The following TRIOBP variants were observed in gnomAD, a reference collection of about 807,000 sequenced individuals.
TRIOBP encodes TRIO and F-actin binding protein.
A neutral mutation model predicts 238.8 loss-of-function variants in TRIOBP; 169 were observed. That is an observed-to-expected ratio of 0.71 (90% CI 0.62 to 0.80). The LOEUF (loss-of-function observed/expected upper bound fraction) is 0.80, where lower values mean the gene tolerates loss of function less well. Among genes scored for constraint, TRIOBP ranks in the 30% least tolerant of loss-of-function variants. TRIOBP has a pLI of 0.00. For synonymous variants in TRIOBP, 1,150 were observed against 1,274.4 expected (o/e 0.90, Z 2.08); for missense variants, 2,838 against 3,122.6 (o/e 0.91, Z 2.17).
chr22:37,760,342 A>G (rs1309732859), intron 17 of TRIOBP: 2 of 152,228 alleles, frequency 1.3e-5, no homozygotes, highest in African/African-American at 4.8e-5. Flanking sequence ...CTGATGTGTA[A>G]TGTTTACCAA....
chr22:37,751,360 C>T, intron 11 of TRIOBP: 2 of 338,832 alleles, frequency 5.9e-6, no homozygotes, highest in Non-Finnish European at 1.2e-5. Flanking sequence ...GCACTTGGTC[C>T]TCGTCAGAGG....
intron 16 of TRIOBP, 126 bp downstream of exon 16, chr22:37,758,264 A>G (rs971186437): frequency 2.4e-6 from 3 of 1,224,924 alleles, no homozygotes; most frequent in Non-Finnish European, 3.5e-6. Context: ...ATCTGCTGTG[A>G]GTGTGCACCC....
chr22:37,736,622 TTTTA>T (rs373401859), intron 9 of TRIOBP, among the ~76,000 whole-genome samples: 195 of 152,232 alleles, frequency 1.3e-3, no homozygotes, highest in African/African-American at 4.4e-3. Context: ...GTGCTTTTAT[TTTTA>T]TTTATTTATT....
intron 11 of TRIOBP, among the ~76,000 whole-genome samples, chr22:37,748,814 A>C (rs555666022): frequency 2.7e-3 from 405 of 152,254 alleles, no homozygotes; most frequent in Non-Finnish European, 4.8e-3. Context: ...AAGGGACCTC[A>C]GAGGTGGCCA....
intron 3 of TRIOBP, among the ~76,000 whole-genome samples, chr22:37,702,939 G>C (rs1922735578): frequency 6.6e-6 from 1 of 151,988 alleles, no homozygotes; most frequent in South Asian, 2.1e-4. Context: ...CACTGCACCT[G>C]GTCTCAAGAT....
chr22:37,758,280 T>TC (rs1926053193), intron 16 of TRIOBP, 142 bp downstream of exon 16: 1 of 1,098,208 alleles, frequency 9.1e-7, no homozygotes, highest in African/African-American at 1.6e-5. Flanking sequence ...CACCCCACAC[T>TC]CCTGCGAACT....
chr22:37,765,701 A>G lies in TRIOBP; in HGVS notation c.6356A>G (p.Glu2119Gly), dbSNP rs1926454668. ...TGTGAGCGCAGCCTGGCAGAGATGG[A>G]GTCCTCGCACCAGCAGGTGATGGAG... The part of the protein sequence containing the change: ...EACERSLAEM[E>G]SSHQQVMEEL... Residue 2119 changes from glutamate to glycine, a missense_variant, in exon 18 of 24, where the codon GAG becomes GGG. Glu to Gly is a moderately conservative substitution (Grantham distance 98, BLOSUM62 -2). Transcript: ENST00000644935. 6.4e-7 allele frequency: 1 copy of G among 1,553,824 alleles called. No individual in the cohort carries two copies. The highest frequency in any genetic ancestry group is 1.4e-5 in the African/African-American group (1 of 73,264).
intron 7 of TRIOBP, among the ~76,000 whole-genome samples, chr22:37,727,607 G>A (rs531572361): frequency 3.9e-5 from 6 of 152,268 alleles, no homozygotes; most frequent in Admixed American, 1.3e-4. Flanking sequence ...GGCGGAGCTT[G>A]CAGTGAGCCG....
At position 37,711,498 on chromosome 22, in the gene TRIOBP, G is replaced by C. The variant is rs188376700; in HGVS notation, c.254+932G>C. Among the ~76,000 whole-genome samples, 157 of 149,464 alleles carry C rather than the reference G, an allele frequency of 1.1e-3. 3 individuals are homozygous for C. The East Asian group carries it at 0.03, about 28-fold the overall frequency. On this transcript the variant is annotated intron_variant, in intron 4 of 23. Transcript: ENST00000644935. The stretch of plus-strand genomic sequence containing the variant: ...GGAGGCTGAGGCAGGAGAACCACTT[G>C]AACCCGGGAGGCAGAGGTTGCAGTG...
intron 11 of TRIOBP, among the ~76,000 whole-genome samples, chr22:37,748,438 A>T (rs1279060780): frequency 1.3e-5 from 2 of 152,100 alleles, no homozygotes; most frequent in Non-Finnish European, 2.9e-5. Flanking sequence ...TTGCTCCCGG[A>T]TCAGCCTTCC....
intron 2 of TRIOBP, 147 bp from the exon 3 acceptor site, chr22:37,701,159 G>T (rs1922625644): frequency 5.4e-6 from 3 of 555,184 alleles, no homozygotes; most frequent in East Asian, 3.2e-5. Context: ...TAAATGAACA[G>T]GAATGGATGG....
In TRIOBP at chr22:37,710,442, T is replaced by G; in HGVS notation, c.130T>G (p.Ser44Ala). The change falls in exon 4 of 24, where the codon TCA (serine) becomes GCA (alanine). Residue 44 changes from serine (S) to alanine (A), a missense_variant. Physicochemically the swap from Ser to Ala is moderately conservative, Grantham distance 99. Coordinates refer to ENST00000644935, the MANE Select transcript of TRIOBP (RefSeq NM_001039141.3). ...GARYQELRSP[S>A]GAEVPYCDLP... ...CCTGGCCCAGGAGCTCAGGAGCCCT[T>G]CAGGTGCTGAGGTGCCCTACTGCGA... 6.2e-7 allele frequency: 1 copy of G among 1,613,540 alleles called. No homozygotes were observed. Among genetic ancestry groups the G allele is most frequent in the African/African-American group, 1.3e-5 (1 of 75,024 alleles).
At chr22:37,754,550 C>T (rs948933063) in intron 12 of TRIOBP, among the ~76,000 whole-genome samples, 1 of 152,060 alleles carries the variant, frequency 6.6e-6, no homozygotes, top group African/African-American at 2.4e-5. Context: ...TGGAAAAAGA[C>T]GTAACGTCCT....
Position 37,723,672 on chromosome 22 carries a change from TC to T in TRIOBP, c.1120del (p.Gln374SerfsTer505). ...CCCAAACTTCTTTTCCTACTTGTACTCCCCAGCGGGAAAACCCCAGGACACC... is the reference window on the plus strand; with the variant it reads ...CCCAAACTTCTTTTCCTACTTGTACTCCCAGCGGGAAAACCCCAGGACACC... The part of the protein sequence containing the change: ...NPQTSFPTCT[P>X]QRENPRTPCV... On this transcript the variant is annotated frameshift_variant, in exon 7 of 24. Transcript: ENST00000644935. LOFTEE classifies it high-confidence loss of function. 1 of 1,613,826 alleles carries T rather than the reference TC, an allele frequency of 6.2e-7. No homozygotes were observed. The highest frequency in any genetic ancestry group is 8.5e-7 in the Non-Finnish European group (1 of 1,179,968).
rs372970338 is a variant in TRIOBP at position 37,733,359 on chromosome 22, C to G, written c.4009C>G (p.Gln1337Glu). Residue 1337 changes from glutamine (Q) to glutamate (E), a missense_variant, in exon 8 of 24, where the codon CAA becomes GAA. Gln to Glu is a conservative substitution (Grantham distance 29, BLOSUM62 2). Around this residue, in one of 5 missense-constraint regions of TRIOBP, gnomAD observed 2,096 missense variants for 2,137.4 expected, o/e 0.98. Coordinates refer to ENST00000644935, the MANE Select transcript of TRIOBP (RefSeq NM_001039141.3). Reference protein sequence around the residue: ...QDEGRSQQPSQGQSQLLRRQS... With the variant: ...QDEGRSQQPSEGQSQLLRRQS... ...CGAGGGACGGTCACAGCAGCCCAGCCAAGGCCAGAGCCAACTTCTCCGAAG... is the reference window on the plus strand; with the variant it reads ...CGAGGGACGGTCACAGCAGCCCAGCGAAGGCCAGAGCCAACTTCTCCGAAG... 9.0e-6 allele frequency: 14 copies of G among 1,551,432 alleles called. No homozygotes were observed. The highest frequency in any genetic ancestry group is 4.9e-5 in the East Asian group (2 of 41,024).
chr22:37,725,111 A>T lies in TRIOBP; in HGVS notation c.2555A>T (p.Asp852Val), dbSNP rs778331588. The stretch of plus-strand genomic sequence containing the variant: ...CTCAGACCCACTTGTACACAGCGGG[A>T]CCGCACACAGTCCTTTTCCTTTCAA... Reference protein sequence around the residue: ...DNLRPTCTQRDRTQSFSFQRD... With the variant: ...DNLRPTCTQRVRTQSFSFQRD... Residue 852 changes from aspartate (D) to valine (V), a missense_variant, in exon 7 of 24, where the codon GAC (aspartate) becomes GTC (valine). Coordinates refer to ENST00000644935, the MANE Select transcript of TRIOBP (RefSeq NM_001039141.3). 1.4e-4 allele frequency: 222 copies of T among 1,614,082 alleles called. No individual in the cohort carries two copies. Among genetic ancestry groups the T allele is most frequent in the Non-Finnish European group, 1.5e-4 (174 of 1,179,984 alleles).
In TRIOBP at chr22:37,772,598, C is replaced by G. The variant is rs1408440693; in HGVS notation, c.6937-3C>G. The G allele has an allele frequency of 1.2e-6, 2 of 1,614,080 alleles. No homozygotes were observed. Among genetic ancestry groups the G allele is most frequent in the Admixed American group, 1.7e-5 (1 of 60,026 alleles). On this transcript the variant is annotated splice_region_variant and splice_polypyrimidine_tract_variant and intron_variant, in intron 22 of 23. Coordinates refer to ENST00000644935, the MANE Select transcript of TRIOBP (RefSeq NM_001039141.3). Reference sequence around the variant, plus strand: ...GCCCTCATACCTGCCTCCTGCCCCCCAGGACAAGCGCTTCACCTCGGGAAA... The same window carrying G: ...GCCCTCATACCTGCCTCCTGCCCCCGAGGACAAGCGCTTCACCTCGGGAAA...
In TRIOBP at chr22:37,751,812, T is replaced by C; in HGVS notation, c.5363T>C (p.Leu1788Ser). ...LNFKKGWMSI[L>S]DEPGEPPSPS... ...TTCAAGAAGGGATGGATGTCGATCT[T>C]GGACGAGCCTGGAGAGGTAAGAGGA... The change falls in exon 12 of 24, where the codon TTG becomes TCG. Residue 1788 changes from leucine (L) to serine (S), a missense_variant. Leu to Ser is a moderately radical substitution (Grantham distance 145). Transcript: ENST00000644935. The C allele has an allele frequency of 6.2e-7, 1 of 1,613,878 alleles. No individual in the cohort carries two copies. Among genetic ancestry groups the C allele is most frequent in the East Asian group, 2.2e-5 (1 of 44,846 alleles).
chr22:37,715,043 C>G (rs1459563523), intron 5 of TRIOBP, among the ~76,000 whole-genome samples: 2 of 152,132 alleles, frequency 1.3e-5, no homozygotes, highest in Non-Finnish European at 2.9e-5. Flanking sequence ...GAGATGGAGT[C>G]TTGCTCTGTC....
Sources: gnomAD v4.1 joint callset for allele counts (sites outside exome capture counted in the v4.1 genomes callset) on GRCh38, gnomAD v4.1.1 for gene constraint, gnomAD v4.1.1 regional missense constraint, MANE v1.5 for transcripts, NCBI Gene and HGNC (gene_info 2026-07-23, HGNC 2026-07-21) for gene names.